The following KIFAP3 variants were observed in gnomAD, a reference collection of about 807,000 sequenced individuals.
The protein encoded by KIFAP3 is kinesin-associated protein 3.
KIFAP3 carries 68 observed loss-of-function variants against 106.5 expected under a neutral mutation model. That is an observed-to-expected ratio of 0.64 (90% CI 0.53 to 0.78). The LOEUF (loss-of-function observed/expected upper bound fraction) is 0.78. Ranked by LOEUF, KIFAP3 falls within the 30% of genes least tolerant of loss-of-function variation. The pLI is 0.00. For synonymous variants in KIFAP3, 320 were observed against 311.5 expected (o/e 1.03, Z -0.29); for missense variants, 780 against 941.8 (o/e 0.83, Z 2.25).
chr1:169,973,781 T>A (rs1257841529), intron 16 of KIFAP3, among the ~76,000 whole-genome samples: 1 of 151,774 alleles, frequency 6.6e-6, no homozygotes, highest in South Asian at 2.1e-4. Flanking sequence ...TATTTTCAGA[T>A]AAAGACATTT....
chr1:169,940,060 C>T (rs1274701606), intron 19 of KIFAP3, among the ~76,000 whole-genome samples: 1 of 152,062 alleles, frequency 6.6e-6, no homozygotes, highest in Non-Finnish European at 1.5e-5. Context: ...AGAGTGACAA[C>T]ATAAAAGAAG....
At chr1:170,030,338 G>A (rs1321775228) in intron 8 of KIFAP3, among the ~76,000 whole-genome samples, 4 of 151,866 alleles carry the variant, frequency 2.6e-5, no homozygotes, top group African/African-American at 9.7e-5. Flanking sequence ...ACATTAATCA[G>A]TCACTAGGGA....
chr1:170,016,882 T>G (rs1448969782), intron 9 of KIFAP3, among the ~76,000 whole-genome samples: 3 of 152,134 alleles, frequency 2.0e-5, no homozygotes, highest in African/African-American at 7.2e-5. Context: ...TTGAAAACAC[T>G]CTGCATTATT....
At position 169,982,763 on chromosome 1, in the gene KIFAP3, G is replaced by A. The variant is rs1249610906; in HGVS notation, c.1611C>T (p.Asp537=). The change falls in exon 14 of 20, where the codon GAC becomes GAT. Residue 537 remains aspartate, a synonymous_variant. Coordinates refer to ENST00000361580, the MANE Select transcript of KIFAP3 (RefSeq NM_014970.4). The stretch of plus-strand genomic sequence containing the variant: ...TATATTCTTTAAGAACCAATTCCCA[G>A]TCTAAGTCTGGAATGGTCAAGTTTG... ...TLANLTIPDL[D]WELVLKEYKL... The A allele has an allele frequency of 6.2e-7, 1 of 1,610,114 alleles. No homozygotes were observed. The highest frequency in any genetic ancestry group is 8.5e-7 in the Non-Finnish European group (1 of 1,177,486).
chr1:170,007,906 C>T (rs1022075694), intron 10 of KIFAP3, among the ~76,000 whole-genome samples: 25 of 151,914 alleles, frequency 1.6e-4, no homozygotes, highest in East Asian at 5.8e-4. Flanking sequence ...GCATGGTACT[C>T]GTACCAAAAC....
intron 8 of KIFAP3, among the ~76,000 whole-genome samples, chr1:170,027,268 C>T (rs543281583): frequency 1.3e-5 from 2 of 152,212 alleles, no homozygotes; most frequent in South Asian, 2.1e-4. Flanking sequence ...GATCTGCCTG[C>T]CTTGGCCTCC....
intron 11 of KIFAP3, among the ~76,000 whole-genome samples, chr1:169,988,250 A>G (rs1051401104): frequency 9.9e-5 from 15 of 152,080 alleles, no homozygotes; most frequent in Admixed American, 9.9e-4. Flanking sequence ...AGTACTTAAA[A>G]TGGACTATAA....
At chr1:170,049,199 G>A (rs752867483) in intron 2 of KIFAP3, among the ~76,000 whole-genome samples, 2 of 152,196 alleles carry the variant, frequency 1.3e-5, no homozygotes, top group Non-Finnish European at 2.9e-5. Context: ...CAGTGCTAAG[G>A]AGACTGGGAG....
At chr1:170,083,452 G>A (rs1672051120) in intron 1 of KIFAP3, among the ~76,000 whole-genome samples, 1 of 152,138 alleles carries the variant, frequency 6.6e-6, no homozygotes, top group African/African-American at 2.4e-5. Flanking sequence ...GTAAGAACTT[G>A]GTTAGTGTGC....
chr1:170,074,493 G>A lies in KIFAP3; in HGVS notation c.-26C>T. 4.3e-6 allele frequency: 7 copies of A among 1,610,402 alleles called. No homozygotes were observed. The highest frequency in any genetic ancestry group is 5.1e-6 in the Non-Finnish European group (6 of 1,177,324). On this transcript the variant is annotated 5_prime_UTR_variant, in exon 1 of 20. Transcript: ENST00000361580. ...GGCGGCAGCGGCAGCGGCGTGGAGA[G>A]GATGGGGTATCTTGAGAGGCAGGCG...
At chr1:169,973,105 G>GTGTGTATATATATATATATATATA (rs145406203) in intron 16 of KIFAP3, among the ~76,000 whole-genome samples, 12 of 90,312 alleles carry the variant, frequency 1.3e-4, no homozygotes, top group Admixed American at 3.9e-4. Context: ...AAAATAGTGT[G>GTGTGTATATATATATATATATATA]TATATATATA....
chr1:170,019,738 T>C (rs997579380), intron 9 of KIFAP3, among the ~76,000 whole-genome samples: 2 of 152,182 alleles, frequency 1.3e-5, no homozygotes, highest in Non-Finnish European at 1.5e-5. Flanking sequence ...TCATGCTCAA[T>C]AGTGAAAGAC....
intron 4 of KIFAP3, 121 bp from the exon 5 acceptor site, chr1:170,038,552 A>C: frequency 1.5e-5 from 15 of 970,556 alleles, no homozygotes; most frequent in Middle Eastern, 2.2e-4. Context: ...CAAAGAACTC[A>C]TAGTAGCCAT....
rs1416661964 is a variant in KIFAP3 at position 169,961,233 on chromosome 1, T to A, written c.1986A>T (p.Glu662Asp). 1.2e-6 allele frequency: 2 copies of A among 1,609,310 alleles called. No homozygotes were observed. The highest frequency in any genetic ancestry group is 1.7e-6 in the Non-Finnish European group (2 of 1,178,510). ...VCDNTLDIIAEYDEEWAKKIQ... is the reference protein window; with the variant it reads ...VCDNTLDIIADYDEEWAKKIQ... ...TTTTCTTAGCCCATTCTTCATCATATTCCTATTGAAAACAAACAGTCAACT... is the reference window on the plus strand; with the variant it reads ...TTTTCTTAGCCCATTCTTCATCATAATCCTATTGAAAACAAACAGTCAACT... Residue 662 changes from glutamate (E) to aspartate (D), a missense_variant and splice_region_variant, in exon 18 of 20, where the codon GAA becomes GAT. Around this residue, in one of 3 missense-constraint regions of KIFAP3, gnomAD observed 78 missense variants for 140.6 expected, o/e 0.55. Coordinates refer to ENST00000361580, the MANE Select transcript of KIFAP3 (RefSeq NM_014970.4).
At chr1:169,947,737 T>A (rs777254597) in intron 19 of KIFAP3, among the ~76,000 whole-genome samples, 5 of 151,780 alleles carry the variant, frequency 3.3e-5, no homozygotes, top group Non-Finnish European at 5.9e-5. Context: ...GATGTGGCAG[T>A]GATGTATCCA....
At chr1:170,048,712 C>T (rs973503226) in intron 2 of KIFAP3, among the ~76,000 whole-genome samples, 1 of 151,506 alleles carries the variant, frequency 6.6e-6, no homozygotes, top group Non-Finnish European at 1.5e-5. Flanking sequence ...GTGGCGGGGG[C>T]GTCGCTACAC....
intron 16 of KIFAP3, among the ~76,000 whole-genome samples, chr1:169,977,727 G>T (rs576308925): frequency 1.2e-4 from 19 of 152,208 alleles, no homozygotes; most frequent in African/African-American, 4.6e-4. Flanking sequence ...TGAACTCATG[G>T]AAATAGATGT....
chr1:170,042,184 T>C (rs1293731021), intron 3 of KIFAP3, among the ~76,000 whole-genome samples: 1 of 152,210 alleles, frequency 6.6e-6, no homozygotes, highest in African/African-American at 2.4e-5. Flanking sequence ...AAATACTAAC[T>C]TAATCCCTCC....
chr1:170,042,530 G>C (rs976509106), intron 3 of KIFAP3, among the ~76,000 whole-genome samples: 1 of 152,100 alleles, frequency 6.6e-6, no homozygotes, highest in Non-Finnish European at 1.5e-5. Context: ...GTACTTTTTG[G>C]TTTATGAATA....
Sources: gnomAD v4.1 joint callset for allele counts (sites outside exome capture counted in the v4.1 genomes callset) on GRCh38, gnomAD v4.1.1 for gene constraint, gnomAD v4.1.1 regional missense constraint, MANE v1.5 for transcripts, NCBI Gene and HGNC (gene_info 2026-07-23, HGNC 2026-07-21) for gene names.